PRKCA: variants seen among roughly 807,000 people sequenced by gnomAD.
PRKCA encodes protein kinase C alpha type.
Under a neutral mutation model 87.0 loss-of-function variants are expected in PRKCA, and 27 were observed. The ratio of observed to expected loss-of-function variants is 0.31; its 90% confidence interval spans 0.23 to 0.43. PRKCA has a LOEUF of 0.43. Among genes scored for constraint, PRKCA ranks in the 20% least tolerant of loss-of-function variants. PRKCA has a pLI of 1.00. For synonymous variants in PRKCA, 329 were observed against 311.1 expected, an observed-to-expected ratio of 1.06 and a Z score of -0.61; for missense variants, 518 against 852.3, an observed-to-expected ratio of 0.61 and a Z score of 4.88.
chr17:66,609,658 G>T (rs891485448), intron 3 of PRKCA, among the ~76,000 whole-genome samples: 1 of 151,994 alleles, frequency 6.6e-6, no homozygotes, highest in Non-Finnish European at 1.5e-5. Flanking sequence ...GAGAGTCAAC[G>T]TGAGGAGGAA....
At chr17:66,421,418 C>T (rs1912480958) in intron 2 of PRKCA, among the ~76,000 whole-genome samples, 1 of 131,028 alleles carries the variant, frequency 7.6e-6, no homozygotes, top group Admixed American at 9.2e-5. Flanking sequence ...AGAACTCAGC[C>T]ACAGCCTCTG....
chr17:66,721,469 A>G (rs938224513), intron 8 of PRKCA, among the ~76,000 whole-genome samples: 1 of 150,380 alleles, frequency 6.6e-6, no homozygotes, highest in African/African-American at 2.4e-5. Flanking sequence ...GGCTATTTTT[A>G]TGGTTATTTC....
chr17:66,393,641 C>CGT (rs111480827), intron 2 of PRKCA, among the ~76,000 whole-genome samples: 88,907 of 148,008 alleles, frequency 0.6, 27,216 homozygotes, highest in Non-Finnish European at 0.69. Context: ...TGTGTGTGCA[C>CGT]GTGTGTGTGT....
intron 13 of PRKCA, among the ~76,000 whole-genome samples, chr17:66,751,741 G>A (rs886744560): frequency 6.6e-6 from 1 of 152,150 alleles, no homozygotes; most frequent in Admixed American, 6.5e-5. Context: ...CACCCTCAGA[G>A]GGAGAGACCA....
intron 2 of PRKCA, among the ~76,000 whole-genome samples, chr17:66,417,278 C>A (rs4502257): frequency 6.6e-6 from 1 of 151,650 alleles, no homozygotes; most frequent in Admixed American, 6.6e-5. Flanking sequence ...TGCAGTTTAC[C>A]GTATTGTTCA....
intron 13 of PRKCA, among the ~76,000 whole-genome samples, chr17:66,764,980 G>C (rs1282706617): frequency 2.0e-5 from 3 of 152,198 alleles, no homozygotes; most frequent in Non-Finnish European, 2.9e-5. Context: ...GAACCAGAAT[G>C]GGCCATAGGA....
chr17:66,718,976 T>C (rs1462326201), intron 8 of PRKCA, among the ~76,000 whole-genome samples: 6 of 152,198 alleles, frequency 3.9e-5, no homozygotes, highest in African/African-American at 1.2e-4. Context: ...GGCTTCTTCC[T>C]CTTCTCTTTG....
At position 66,436,933 on chromosome 17, in the gene PRKCA, A is replaced by C. The variant is rs146529900; in HGVS notation, c.206-59268A>C. ...ATAATGTACCACTGATTAGGCTTGA[A>C]TATTATTAAACATGCTAGAGCCGTT... On this transcript the variant is annotated intron_variant, in intron 2 of 16. Transcript: ENST00000413366. 5.1e-3 allele frequency among the ~76,000 whole-genome samples: 772 copies of C among 152,296 alleles called. 7 individuals are homozygous for C. The highest frequency in any genetic ancestry group is 0.018 in the African/African-American group (730 of 41,558).
chr17:66,629,035 C>CA (rs1288269802), intron 3 of PRKCA, among the ~76,000 whole-genome samples: 2 of 151,724 alleles, frequency 1.3e-5, no homozygotes, highest in Non-Finnish European at 2.9e-5. Context: ...GTCTCAAAAA[C>CA]AAAAAAAGAA....
chr17:66,413,889 C>G (rs1044647151), intron 2 of PRKCA, among the ~76,000 whole-genome samples: 1 of 151,934 alleles, frequency 6.6e-6, no homozygotes, highest in African/African-American at 2.4e-5. Flanking sequence ...TGGCAGGCAC[C>G]TGTAATCTCA....
chr17:66,533,431 C>G (rs1967639267), intron 3 of PRKCA, among the ~76,000 whole-genome samples: 1 of 152,224 alleles, frequency 6.6e-6, no homozygotes, highest in Admixed American at 6.5e-5. Context: ...CCTGACCCCC[C>G]TGGTTTGCCT....
intron 2 of PRKCA, among the ~76,000 whole-genome samples, chr17:66,359,993 C>T (rs906245189): frequency 6.6e-6 from 1 of 152,126 alleles, no homozygotes; most frequent in Non-Finnish European, 1.5e-5. Flanking sequence ...TTAATATTCT[C>T]AAGGCCAAAA....
chr17:66,528,734 G>A (rs1237421148), intron 3 of PRKCA, among the ~76,000 whole-genome samples: 4 of 152,208 alleles, frequency 2.6e-5, no homozygotes, highest in African/African-American at 9.6e-5. Flanking sequence ...GTGGTATTAT[G>A]TTACAGCAGC....
At chr17:66,747,417 G>T (rs1387642521) in intron 13 of PRKCA, among the ~76,000 whole-genome samples, 1 of 152,190 alleles carries the variant, frequency 6.6e-6, no homozygotes, top group Non-Finnish European at 1.5e-5. Flanking sequence ...CTTCCTCACA[G>T]CATCGCTATG....
intron 2 of PRKCA, among the ~76,000 whole-genome samples, chr17:66,400,457 A>G (rs1186582422): frequency 6.6e-6 from 1 of 152,204 alleles, no homozygotes; most frequent in Non-Finnish European, 1.5e-5. Flanking sequence ...TGGGTTAACT[A>G]TAGTCACCTT....
At chr17:66,377,703 A>G (rs542687902) in intron 2 of PRKCA, among the ~76,000 whole-genome samples, 2 of 64,808 alleles carry the variant, frequency 3.1e-5, no homozygotes, top group Non-Finnish European at 5.6e-5. Context: ...TCTATGTTTT[A>G]TATATATATA....
At chr17:66,593,443 C>G (rs1969877043) in intron 3 of PRKCA, among the ~76,000 whole-genome samples, 1 of 152,196 alleles carries the variant, frequency 6.6e-6, no homozygotes, top group Non-Finnish European at 1.5e-5. Flanking sequence ...AGCATCACAG[C>G]ACTCTGTGCA....
intron 3 of PRKCA, among the ~76,000 whole-genome samples, chr17:66,590,743 G>T (rs1429895159): frequency 1.3e-5 from 2 of 152,132 alleles, no homozygotes; most frequent in Admixed American, 6.5e-5. Context: ...CCAGCTACGT[G>T]GGAGGCTGAG....
chr17:66,433,074 G>A (rs932217241), intron 2 of PRKCA, among the ~76,000 whole-genome samples: 1 of 152,142 alleles, frequency 6.6e-6, no homozygotes, highest in African/African-American at 2.4e-5. Flanking sequence ...AAACCAGAAG[G>A]TGGCAGCTAG....
Sources: allele counts gnomAD v4.1 joint callset (sites outside exome capture counted in the v4.1 genomes callset), GRCh38; gene constraint gnomAD v4.1.1; transcripts MANE v1.5; gene names NCBI Gene and HGNC (gene_info 2026-07-23, HGNC 2026-07-21).